The following ARHGAP21 variants were observed in gnomAD, a reference collection of about 807,000 sequenced individuals.
ARHGAP21 encodes the protein Rho GTPase activating protein 21, also known as rho GTPase-activating protein 21.
In ARHGAP21, 38 loss-of-function variants were observed where a neutral mutation model predicts 164.6. That is an observed-to-expected ratio of 0.23 (90% CI 0.18 to 0.30). The LOEUF (loss-of-function observed/expected upper bound fraction) is 0.30, where lower values mean the gene tolerates loss of function less well. Ranked by LOEUF, ARHGAP21 falls within the 10% of genes least tolerant of loss-of-function variation. The pLI, the probability that ARHGAP21 is intolerant of heterozygous loss-of-function variation, is 1.00. For missense variants in ARHGAP21, 1,822 were observed against 2,370.7 expected (o/e 0.77, Z 4.81); for synonymous variants, 766 against 857.9 (o/e 0.89, Z 1.87).
intron 4 of ARHGAP21, among the ~76,000 whole-genome samples, chr10:24,636,272 G>T (rs1324274668): frequency 6.6e-6 from 1 of 152,196 alleles, no homozygotes; most frequent in Non-Finnish European, 1.5e-5. Context: ...TAAGTATTGT[G>T]GGGGAAGAAG....
intron 2 of ARHGAP21, among the ~76,000 whole-genome samples, chr10:24,694,975 TG>T (rs1350311456): frequency 1.6e-5 from 2 of 128,864 alleles, no homozygotes; most frequent in Non-Finnish European, 3.2e-5. Flanking sequence ...CACTTGAACC[TG>T]GGAGGTGGAG....
At chr10:24,687,798 CA>C (rs1246169683) in intron 2 of ARHGAP21, among the ~76,000 whole-genome samples, 11 of 152,082 alleles carry the variant, frequency 7.2e-5, no homozygotes, top group Non-Finnish European at 1.6e-4. Context: ...GAGCAGATAC[CA>C]GCAATACCAA....
At position 24,597,464 on chromosome 10, in the gene ARHGAP21, C is replaced by T. The variant is rs1430195371; in HGVS notation, c.3317G>A (p.Arg1106Lys). 1.2e-6 allele frequency: 2 copies of T among 1,613,174 alleles called. No individual in the cohort carries two copies. The highest frequency in any genetic ancestry group is 2.2e-5 in the East Asian group (1 of 44,864). The change falls in exon 16 of 26, where the codon AGG (arginine) becomes AAG (lysine). Residue 1106 changes from arginine (R) to lysine (K), a missense_variant. Arg to Lys is a conservative substitution (Grantham distance 26). This residue lies in a region of ARHGAP21 where 1,090 missense variants were observed against 1,378.9 expected (regional missense o/e 0.79). Transcript: ENST00000396432. ...SPHSPKEESE[R>K]KLLSKDDTSP... ...ATCAATACCTTTACTGAGAAGTTTC[C>T]TTTCCGACTCTTCCTTCGGAGAGTG...
chr10:24,600,624 C>T (rs372142115), intron 14 of ARHGAP21, 22 bp downstream of exon 14: 1 of 1,605,452 alleles, frequency 6.2e-7, no homozygotes, highest in African/African-American at 1.3e-5. Context: ...CAGATTTCTC[C>T]AGCATTCCTT....
At chr10:24,672,297 C>A (rs931703256) in intron 2 of ARHGAP21, among the ~76,000 whole-genome samples, 1 of 152,084 alleles carries the variant, frequency 6.6e-6, no homozygotes, top group African/African-American at 2.4e-5. Flanking sequence ...ACAGGCGTCA[C>A]CTCCTCCTTC....
rs1218106870 is a variant in ARHGAP21, at chr10:24,585,654, G to C, written c.4635C>G (p.Asp1545Glu). The C allele has an allele frequency of 1.2e-6, 2 of 1,614,076 alleles. No individual in the cohort carries two copies. The highest frequency in any genetic ancestry group is 1.7e-6 in the Non-Finnish European group (2 of 1,180,024). ...KSSHLEETGS[D>E]SGTLLSTSSQ... ...AAGACGTGCTGAGCAAAGTGCCAGA[G>C]TCAGAGCCTGTCTCTTCAAGGTGGG... Residue 1545 changes from aspartate (D) to glutamate (E), a missense_variant, in exon 26 of 26, where the codon GAC becomes GAG. Asp to Glu is a conservative substitution (Grantham distance 45). Coordinates refer to ENST00000396432, the MANE Select transcript of ARHGAP21 (RefSeq NM_020824.4).
chr10:24,637,076 T>C (rs1159639054), intron 4 of ARHGAP21, among the ~76,000 whole-genome samples: 1 of 152,206 alleles, frequency 6.6e-6, no homozygotes, highest in East Asian at 1.9e-4. Context: ...AATTGCCATT[T>C]GAGTGAAGAG....
At chr10:24,597,886 G>C in intron 15 of ARHGAP21, 59 bp downstream of exon 15, 1 of 1,519,156 alleles carries the variant, frequency 6.6e-7, no homozygotes. Context: ...TTGCAAATAA[G>C]GGGGATGACT....
intron 16 of ARHGAP21, 108 bp from the exon 17 acceptor site, chr10:24,596,990 A>G: frequency 8.4e-7 from 1 of 1,186,530 alleles, no homozygotes; most frequent in Non-Finnish European, 1.1e-6. Flanking sequence ...AAGTCCTGTA[A>G]TATAAATAAT....
At chr10:24,685,954 T>C (rs1338989109) in intron 2 of ARHGAP21, among the ~76,000 whole-genome samples, 1 of 152,168 alleles carries the variant, frequency 6.6e-6, no homozygotes, top group Non-Finnish European at 1.5e-5. Flanking sequence ...ACTGTTAAGA[T>C]GAAATCAAAT....
chr10:24,621,862 TAC>T (rs1474809235), intron 8 of ARHGAP21, among the ~76,000 whole-genome samples: 3 of 152,194 alleles, frequency 2.0e-5, no homozygotes, highest in Admixed American at 1.3e-4. Flanking sequence ...AATTAACCAT[TAC>T]AGAGTCCCTA....
At chr10:24,673,574 C>T (rs1195009602) in intron 2 of ARHGAP21, among the ~76,000 whole-genome samples, 1 of 152,156 alleles carries the variant, frequency 6.6e-6, no homozygotes, top group Non-Finnish European at 1.5e-5. Flanking sequence ...AATGATCATA[C>T]ACCTAGGCCG....
intron 4 of ARHGAP21, among the ~76,000 whole-genome samples, chr10:24,636,291 C>T (rs1413068533): frequency 6.6e-6 from 1 of 152,146 alleles, no homozygotes; most frequent in African/African-American, 2.4e-5. Context: ...AGGAGGTACA[C>T]GGTAGTTCTA....
chr10:24,591,826 T>C, intron 22 of ARHGAP21, 61 bp downstream of exon 22: 1 of 1,590,916 alleles, frequency 6.3e-7, no homozygotes, highest in African/African-American at 1.4e-5. Flanking sequence ...CGGCTGCCCG[T>C]GAAAATGAAT....
intron 4 of ARHGAP21, among the ~76,000 whole-genome samples, chr10:24,636,494 G>C (rs1461249379): frequency 6.6e-6 from 1 of 152,174 alleles, no homozygotes; most frequent in African/African-American, 2.4e-5. Flanking sequence ...AGAAAATAAG[G>C]CATATACATG....
chr10:24,621,062 G>T lies in ARHGAP21; in HGVS notation c.833C>A (p.Ser278Tyr). The T allele has an allele frequency of 1.2e-6, 2 of 1,613,980 alleles. No individual in the cohort carries two copies. Reference protein sequence around the residue: ...NESVRTVIVPSEKVVDLLSNR... With the variant: ...NESVRTVIVPYEKVVDLLSNR... ...GGATAACAAATCTACAACCTTCTCA[G>T]AAGGCACAATGACAGTCCTTACACT... Residue 278 changes from serine (S) to tyrosine (Y), a missense_variant, in exon 9 of 26, where the codon TCT (serine) becomes TAT (tyrosine). By Grantham distance (144) the Ser-to-Tyr change is moderately radical. This residue lies in a region of ARHGAP21 where 1,090 missense variants were observed against 1,378.9 expected (regional missense o/e 0.79). Coordinates refer to ENST00000396432, the MANE Select transcript of ARHGAP21 (RefSeq NM_020824.4).
intron 4 of ARHGAP21, among the ~76,000 whole-genome samples, chr10:24,656,184 C>T (rs1158976844): frequency 3.6e-5 from 5 of 140,494 alleles, no homozygotes; most frequent in East Asian, 2.2e-4. Context: ...GCCCCCCGCC[C>T]GGCCAGCCGC....
chr10:24,698,793 T>G (rs769844563), intron 2 of ARHGAP21, among the ~76,000 whole-genome samples: 2 of 152,240 alleles, frequency 1.3e-5, no homozygotes, highest in Non-Finnish European at 2.9e-5. Flanking sequence ...ACTTTCCAGC[T>G]AAAAGCAATT....
At chr10:24,586,688 A>G (rs1392745798) in intron 25 of ARHGAP21, among the ~76,000 whole-genome samples, 1 of 152,222 alleles carries the variant, frequency 6.6e-6, no homozygotes, top group Non-Finnish European at 1.5e-5. Context: ...ATCTTCAAGG[A>G]TCTGCCTTAA....
Sources: allele counts gnomAD v4.1 joint callset (sites outside exome capture counted in the v4.1 genomes callset), GRCh38; gene constraint gnomAD v4.1.1; regional missense constraint gnomAD v4.1.1; transcripts MANE v1.5; gene names NCBI Gene and HGNC (gene_info 2026-07-23, HGNC 2026-07-21).